The following GOLM1 variants were observed in gnomAD, a reference collection of about 807,000 sequenced individuals.
The protein encoded by GOLM1 is epididymis luminal protein 46.
A neutral mutation model predicts 50.5 loss-of-function variants in GOLM1; 31 were observed. That is an observed-to-expected ratio of 0.61 (90% CI 0.46 to 0.83). GOLM1 has a LOEUF of 0.83. Among genes scored for constraint, GOLM1 ranks in the 40% least tolerant of loss-of-function variants. The pLI is 0.00. For synonymous variants in GOLM1, 178 were observed against 192.8 expected (o/e 0.92, Z 0.64); for missense variants, 491 against 501.3 (o/e 0.98, Z 0.20).
At position 86,077,539 on chromosome 9, in the gene GOLM1, C is replaced by T. The variant is rs1834656098; in HGVS notation, c.182G>A (p.Gly61Asp). 3 of 1,612,898 alleles carry T rather than the reference C, an allele frequency of 1.9e-6. No individual in the cohort carries two copies. Among genetic ancestry groups the T allele is most frequent in the East Asian group, 2.2e-5 (1 of 44,884 alleles). The change falls in exon 3 of 10, where the codon GGC becomes GAC. Residue 61 changes from glycine to aspartate, a missense_variant. Coordinates refer to ENST00000388712, the MANE Select transcript of GOLM1 (RefSeq NM_016548.4). ...GRVRRAAAER[G>D]AVELKKNEFQ... ...CTCGTTCTTCTTCAGCTCCACGGCG[C>T]CTCTCTCTGCAGCCGCCCTGCGGAC...
rs542106924 is a variant in GOLM1, at chr9:86,081,916, A to T, written c.-21-2575T>A. Among the ~76,000 whole-genome samples, 6 of 151,000 alleles carry T rather than the reference A, an allele frequency of 4.0e-5. No homozygotes were observed. The East Asian group carries it at 5.8e-4, about 15-fold the overall frequency. ...AAAAAAAAAGAAAAAAGGATAAATT[A>T]CATCCCCCTCATCCTACTCCAAAGG... On this transcript the variant is annotated intron_variant, in intron 1 of 9. Transcript: ENST00000388712.
chr9:86,059,911 A>T lies in GOLM1; in HGVS notation c.310-7320T>A, dbSNP rs1004463832. ...TGTGAGTCTATCTCAAAAAAAAAAA[A>T]AAAAAAAAAAAAGTTTTGGAATCAG... is the stretch of plus-strand genomic sequence containing the variant. On this transcript the variant is annotated intron_variant, in intron 3 of 9. Transcript: ENST00000388712. Among the ~76,000 whole-genome samples the T allele has an allele frequency of 5.5e-3, 827 of 151,716 alleles. 6 individuals carry two copies. Among genetic ancestry groups the T allele is most frequent in the African/African-American group, 0.017 (711 of 41,306 alleles).
At position 86,053,063 on chromosome 9, in the gene GOLM1, CCA is replaced by C. The variant is rs1279119300; in HGVS notation, c.310-474_310-473del. Among the ~76,000 whole-genome samples the C allele has an allele frequency of 6.3e-4, 93 of 147,876 alleles. 1 individual carries two copies. In the East Asian group the frequency reaches 0.013, roughly 21 times the overall value. The stretch of plus-strand genomic sequence containing the variant: ...TGACTCCACACACCACCAGACCACA[CCA>C]CACACCACTCTACACGACACTACAC... On this transcript the variant is annotated intron_variant, in intron 3 of 9. Transcript: ENST00000388712.
intron 3 of GOLM1, among the ~76,000 whole-genome samples, chr9:86,062,459 G>A (rs1834189115): frequency 6.6e-6 from 1 of 151,434 alleles, no homozygotes; most frequent in African/African-American, 2.4e-5. Flanking sequence ...GGGAGAGAAA[G>A]GAGGACAGAG....
At chr9:86,066,082 A>AACT (rs1259593628) in intron 3 of GOLM1, among the ~76,000 whole-genome samples, 2 of 152,156 alleles carry the variant, frequency 1.3e-5, no homozygotes, top group Non-Finnish European at 2.9e-5. Context: ...AGCACTCTGA[A>AACT]ACTCTCAAGT....
chr9:86,073,901 T>G (rs1175187529), intron 3 of GOLM1, among the ~76,000 whole-genome samples: 1 of 152,192 alleles, frequency 6.6e-6, no homozygotes, highest in Non-Finnish European at 1.5e-5. Context: ...CATAGAAAAT[T>G]CTATCAGACA....
chr9:86,061,120 G>A (rs1001639002), intron 3 of GOLM1, among the ~76,000 whole-genome samples: 17 of 151,946 alleles, frequency 1.1e-4, no homozygotes, highest in Non-Finnish European at 2.1e-4. Flanking sequence ...GGATGTGTGG[G>A]GGCTCACTGG....
At position 86,077,588 on chromosome 9, in the gene GOLM1, G is replaced by A. The variant is rs1834657414; in HGVS notation, c.133C>T (p.Arg45Trp). The change falls in exon 3 of 10, where the codon CGG becomes TGG. Residue 45 changes from arginine (R) to tryptophan (W), a missense_variant. By Grantham distance (101) the Arg-to-Trp change is moderately radical. Transcript: ENST00000388712. ...ACCCTGCCTTCCAGCTCCATGATCCGTGTCTACAAGGAGACCGTGGCATTA... is the reference window on the plus strand; with the variant it reads ...ACCCTGCCTTCCAGCTCCATGATCCATGTCTACAAGGAGACCGTGGCATTA... ...ASSRSVDLQT[R>W]IMELEGRVRR... The A allele has an allele frequency of 3.1e-6, 5 of 1,611,716 alleles. No individual in the cohort carries two copies. Among genetic ancestry groups the A allele is most frequent in the East Asian group, 2.2e-5 (1 of 44,862 alleles).
chr9:86,074,709 G>T (rs1228849171), intron 3 of GOLM1, among the ~76,000 whole-genome samples: 1 of 152,174 alleles, frequency 6.6e-6, no homozygotes, highest in Non-Finnish European at 1.5e-5. Flanking sequence ...AGGAATTAAT[G>T]AAACAGTCCC....
chr9:86,050,356 G>A (rs1282116490), intron 4 of GOLM1, among the ~76,000 whole-genome samples: 1 of 152,150 alleles, frequency 6.6e-6, no homozygotes, highest in East Asian at 1.9e-4. Flanking sequence ...GCCAGGCTTT[G>A]GTATCAGGAT....
At position 86,027,855 on chromosome 9, in the gene GOLM1, A is replaced by C; in HGVS notation, c.1168T>G (p.Leu390Val). 1.9e-6 allele frequency: 3 copies of C among 1,611,156 alleles called. No homozygotes were observed. The highest frequency in any genetic ancestry group is 2.5e-6 in the Non-Finnish European group (3 of 1,177,416). Residue 390 changes from leucine to valine, a missense_variant, in exon 10 of 10, where the codon TTA becomes GTA. Leu to Val is a conservative substitution (Grantham distance 32). Coordinates refer to ENST00000388712, the MANE Select transcript of GOLM1 (RefSeq NM_016548.4). ...VEDQKRDTIN[L>V]LDQREKRNHT... ...TTCCGCTTTTCACGCTGATCAAGTA[A>C]ATTTATGGTGTCTCTTTTCTGATCT...
At chr9:86,050,346 G>T (rs1317660724) in intron 4 of GOLM1, among the ~76,000 whole-genome samples, 1 of 152,142 alleles carries the variant, frequency 6.6e-6, no homozygotes. Flanking sequence ...TTGTGTCTCT[G>T]CCAGGCTTTG....
intron 1 of GOLM1, among the ~76,000 whole-genome samples, chr9:86,094,737 T>C (rs751215248): frequency 2.6e-5 from 4 of 152,004 alleles, no homozygotes; most frequent in South Asian, 2.1e-4. Context: ...CGAGACCAGA[T>C]TGGGCAATGT....
chr9:86,076,667 C>G (rs892571012), intron 3 of GOLM1, among the ~76,000 whole-genome samples: 2 of 151,414 alleles, frequency 1.3e-5, no homozygotes, highest in South Asian at 2.1e-4. Context: ...AGATCGAAAC[C>G]ATCCTGGCCA....
At chr9:86,081,344 G>A (rs1028170295) in intron 1 of GOLM1, among the ~76,000 whole-genome samples, 10 of 151,768 alleles carry the variant, frequency 6.6e-5, no homozygotes, top group African/African-American at 2.4e-4. Context: ...TTACAGGCAT[G>A]CACCACCACG....
intron 3 of GOLM1, among the ~76,000 whole-genome samples, chr9:86,060,818 C>T (rs1459412568): frequency 1.6e-5 from 2 of 125,866 alleles, no homozygotes; most frequent in Admixed American, 1.0e-4. Flanking sequence ...GCAGAGGTTG[C>T]GGTGAGCCGA....
chr9:86,035,853 A>C, intron 7 of GOLM1, among the ~76,000 whole-genome samples: 1 of 143,914 alleles, frequency 6.9e-6, no homozygotes, highest in Admixed American at 6.9e-5. Context: ...CGACAAAGGG[A>C]AAAGTAGCTT....
At chr9:86,058,212 T>C (rs924249222) in intron 3 of GOLM1, among the ~76,000 whole-genome samples, 3 of 152,228 alleles carry the variant, frequency 2.0e-5, no homozygotes, top group Admixed American at 2.0e-4. Flanking sequence ...ATGTCAGTTG[T>C]ACCCGGAAAT....
chr9:86,053,614 C>T (rs796680222), intron 3 of GOLM1, among the ~76,000 whole-genome samples: 1 of 2,762 alleles, frequency 3.6e-4, no homozygotes, highest in African/African-American at 1.4e-3. Flanking sequence ...ACATCACACA[C>T]CACACCAAAC....
Sources: allele counts gnomAD v4.1 joint callset (sites outside exome capture counted in the v4.1 genomes callset), GRCh38; gene constraint gnomAD v4.1.1; transcripts MANE v1.5; gene names NCBI Gene and HGNC (gene_info 2026-07-23, HGNC 2026-07-21).